The following SNTG1 variants were observed in gnomAD, a reference collection of about 807,000 sequenced individuals.
The protein encoded by SNTG1 is gamma-1-syntrophin.
SNTG1 carries 39 observed loss-of-function variants against 74.7 expected under a neutral mutation model. The ratio of observed to expected loss-of-function variants is 0.52; its 90% CI spans 0.40 to 0.68. SNTG1 has a LOEUF of 0.68. SNTG1 is among the 30% of genes least tolerant of loss of function. The pLI is 0.00. For missense variants in SNTG1, 685 were observed against 609.5 expected (o/e 1.12, Z -1.30); for synonymous variants, 254 against 217.1 (o/e 1.17, Z -1.49).
chr8:50,206,381 G>A (rs2084238544), intron 2 of SNTG1, among the ~76,000 whole-genome samples: 1 of 152,116 alleles, frequency 6.6e-6, no homozygotes, highest in Admixed American at 6.6e-5. Flanking sequence ...TCTGTTATTG[G>A]TGTGTAAGAA....
chr8:50,787,197 C>A (rs1249496686), intron 18 of SNTG1, among the ~76,000 whole-genome samples: 1 of 151,680 alleles, frequency 6.6e-6, no homozygotes, highest in Non-Finnish European at 1.5e-5. Context: ...GACATTTCTC[C>A]AGAGAAGATA....
intron 15 of SNTG1, among the ~76,000 whole-genome samples, chr8:50,678,126 G>A (rs1013219070): frequency 6.6e-6 from 1 of 151,400 alleles, no homozygotes; most frequent in Non-Finnish European, 1.5e-5. Flanking sequence ...AGAAAGAAAA[G>A]AAAAGAATAA....
intron 1 of SNTG1, among the ~76,000 whole-genome samples, chr8:49,912,751 G>A (rs1026805572): frequency 7.9e-5 from 12 of 152,088 alleles, no homozygotes; most frequent in African/African-American, 2.9e-4. Flanking sequence ...ACACCTGTAG[G>A]ATCTTACGTA....
intron 2 of SNTG1, among the ~76,000 whole-genome samples, chr8:50,351,356 G>C (rs2091655271): frequency 6.6e-6 from 1 of 152,168 alleles, no homozygotes; most frequent in Non-Finnish European, 1.5e-5. Context: ...TGGCTACACA[G>C]GTGTACAGTT....
At chr8:50,283,953 T>C (rs750332897) in intron 2 of SNTG1, among the ~76,000 whole-genome samples, 2 of 152,140 alleles carry the variant, frequency 1.3e-5, no homozygotes, top group Non-Finnish European at 2.9e-5. Context: ...CTTGTTAAAA[T>C]TACTATAAAT....
chr8:50,168,398 A>G (rs1479557260), intron 1 of SNTG1, among the ~76,000 whole-genome samples: 2 of 152,114 alleles, frequency 1.3e-5, no homozygotes, highest in African/African-American at 2.4e-5. Context: ...TTTTTTCTCT[A>G]ATAGTAAAGG....
chr8:50,619,993 A>T (rs1438470234), intron 13 of SNTG1, among the ~76,000 whole-genome samples: 1 of 151,924 alleles, frequency 6.6e-6, no homozygotes, highest in Non-Finnish European at 1.5e-5. Context: ...CAGCTTAAAC[A>T]GCACAGATTT....
intron 2 of SNTG1, among the ~76,000 whole-genome samples, chr8:50,274,825 T>C (rs141450874): frequency 6.6e-6 from 1 of 152,350 alleles, no homozygotes; most frequent in East Asian, 1.9e-4. Flanking sequence ...ATTTTATCTT[T>C]AGCTTGCTGA....
chr8:50,048,780 A>C (rs1405320461), intron 1 of SNTG1, among the ~76,000 whole-genome samples: 1 of 152,104 alleles, frequency 6.6e-6, no homozygotes, highest in Non-Finnish European at 1.5e-5. Flanking sequence ...CTGATTTCTT[A>C]ATATTTTACC....
chr8:50,658,560 C>A, intron 14 of SNTG1, 32 bp from the exon 15 acceptor site: 1 of 1,493,402 alleles, frequency 6.7e-7, no homozygotes, highest in Non-Finnish European at 9.2e-7. Context: ...CTTTCTAAAA[C>A]AAATTAAACA....
Position 50,125,495 on chromosome 8 carries a change from T to C in SNTG1, c.-102-47066T>C, listed in dbSNP as rs1338215685. Among the ~76,000 whole-genome samples, 4 of 142,338 alleles carry C rather than the reference T, an allele frequency of 2.8e-5. 1 individual carries two copies. Among genetic ancestry groups the C allele is most frequent in the Non-Finnish European group, 4.7e-5 (3 of 63,896 alleles). 93.4% of individuals were successfully genotyped at this position (142,338 alleles called of 152,430 possible). ...GTCACATGGAAATCTCTCAAATATA[T>C]GTTTAAGTAATGCCTAGTAAGTTTA... On this transcript the variant is annotated intron_variant, in intron 1 of 18. Coordinates refer to ENST00000642720, the MANE Select transcript of SNTG1 (RefSeq NM_018967.5).
At chr8:49,921,990 C>A (rs1806586807) in intron 1 of SNTG1, among the ~76,000 whole-genome samples, 1 of 152,052 alleles carries the variant, frequency 6.6e-6, no homozygotes, top group East Asian at 1.9e-4. Context: ...ATTATATTCT[C>A]TTCTACGTGA....
chr8:50,690,443 TTG>T (rs1366186430), intron 15 of SNTG1, among the ~76,000 whole-genome samples: 5 of 152,202 alleles, frequency 3.3e-5, no homozygotes, highest in Non-Finnish European at 7.3e-5. Context: ...TTCTGGTATG[TTG>T]TGTCTTTGTT....
intron 12 of SNTG1, among the ~76,000 whole-genome samples, chr8:50,571,321 CG>C (rs1209673654): frequency 2.0e-5 from 3 of 152,172 alleles, no homozygotes; most frequent in African/African-American, 7.2e-5. Context: ...CCTCCTGTCC[CG>C]GGCTCAAGAG....
chr8:50,024,704 G>A (rs1253056948), intron 1 of SNTG1, among the ~76,000 whole-genome samples: 1 of 152,106 alleles, frequency 6.6e-6, no homozygotes, highest in Non-Finnish European at 1.5e-5. Context: ...GATTAAAACA[G>A]TATACTATAA....
chr8:50,131,318 T>A (rs1197088799), intron 1 of SNTG1, among the ~76,000 whole-genome samples: 2 of 152,110 alleles, frequency 1.3e-5, no homozygotes, highest in East Asian at 3.9e-4. Context: ...TTTTGCAGCT[T>A]TTTTGGAGGT....
At chr8:50,773,571 G>A (rs1319879145) in intron 18 of SNTG1, among the ~76,000 whole-genome samples, 1 of 152,078 alleles carries the variant, frequency 6.6e-6, no homozygotes, top group Non-Finnish European at 1.5e-5. Context: ...GACAGAAATA[G>A]TCTGTTTCCT....
At position 50,263,878 on chromosome 8, in the gene SNTG1, C is replaced by T. The variant is rs1025689490; in HGVS notation, c.-28+91243C>T. ...TGTAGAACACTTCACTCAGTGATTG[C>T]GGCATACACATTCAAGAACACATGA... On this transcript the variant is annotated intron_variant, in intron 2 of 18. Transcript: ENST00000642720. 5.3e-5 allele frequency among the ~76,000 whole-genome samples: 8 copies of T among 152,188 alleles called. No individual in the cohort carries two copies. In the South Asian group the frequency reaches 6.2e-4, roughly 12 times the overall value.
Position 50,259,511 on chromosome 8 carries a change from AGAAAGAAAGAAAGAAAGAAAG to A in SNTG1, c.-28+86877_-28+86897del, listed in dbSNP as rs1446105874. ...GAGACGCTGTCTCAAAAAAAAAAAAAGAAAGAAAGAAAGAAAGAAAGAAAGAAAGAAAGAAAGAAAGAAAGA... is the reference window on the plus strand; with the variant it reads ...GAGACGCTGTCTCAAAAAAAAAAAAAAAAGAAAGAAAGAAAGAAAGAAAGA... On this transcript the variant is annotated intron_variant, in intron 2 of 18. Transcript: ENST00000642720. Among the ~76,000 whole-genome samples the A allele has an allele frequency of 2.3e-3, 224 of 96,578 alleles. 45 individuals carry two copies. Among genetic ancestry groups the A allele is most frequent in the African/African-American group, 1.0e-2 (213 of 21,378 alleles). The allele number at this position is 96,578 out of a possible 152,430, so 63.4% of individuals were successfully genotyped here.
Sources: gnomAD v4.1 joint callset for allele counts (sites outside exome capture counted in the v4.1 genomes callset) on GRCh38, gnomAD v4.1.1 for gene constraint, MANE v1.5 for transcripts, NCBI Gene and HGNC (gene_info 2026-07-23, HGNC 2026-07-21) for gene names.